ARF3: variants seen among roughly 807,000 people sequenced by gnomAD.
The protein encoded by ARF3 is ARF GTPase 3.
In ARF3, 5 loss-of-function variants were observed where a neutral mutation model predicts 19.3. The ratio of observed to expected loss-of-function variants is 0.26; its 90% CI spans 0.14 to 0.54. ARF3 has a LOEUF of 0.54. ARF3 is among the 20% of genes least tolerant of loss of function. The pLI is 0.95. For missense variants in ARF3, 77 were observed against 234.2 expected (o/e 0.33, Z 4.38); for synonymous variants, 71 against 89.2 (o/e 0.80, Z 1.15).
chr12:48,954,752 G>A (rs1940529556), intron 1 of ARF3, among the ~76,000 whole-genome samples: 1 of 152,160 alleles, frequency 6.6e-6, no homozygotes, highest in Non-Finnish European at 1.5e-5. Context: ...AGGCATGGTG[G>A]TTCATGCCTG....
chr12:48,945,388 G>A (rs1057190475), intron 1 of ARF3, among the ~76,000 whole-genome samples: 1 of 152,074 alleles, frequency 6.6e-6, no homozygotes, highest in South Asian at 2.1e-4. Flanking sequence ...GACCATCCTG[G>A]CTAATACAGT....
rs1176865609 is a variant in ARF3, at chr12:48,939,729, G to A, written c.310C>T (p.Arg104Trp). ...GCCAGCATTCTCATCAGCTCTTCCC[G>A]GGCCTCATTTACTCGCTCCCGATCA... The part of the protein sequence containing the change: ...SNDRERVNEA[R>W]EELMRMLAED... Residue 104 changes from arginine to tryptophan, a missense_variant, in exon 4 of 5, where the codon CGG (arginine) becomes TGG (tryptophan). Physicochemically the swap from Arg to Trp is moderately radical, Grantham distance 101 (BLOSUM62 -3). Around this residue, in one of 3 missense-constraint regions of ARF3, gnomAD observed 53 missense variants for 121.2 expected, o/e 0.44. Coordinates refer to ENST00000256682, the MANE Select transcript of ARF3 (RefSeq NM_001659.3). This position sits in a 1 kb window ranked among gnomAD's most constrained non-coding sequence, Gnocchi z 4.8. 5.0e-6 allele frequency: 8 copies of A among 1,613,886 alleles called. No individual in the cohort carries two copies. The highest frequency in any genetic ancestry group is 1.3e-5 in the African/African-American group (1 of 74,854).
At chr12:48,946,160 T>C (rs570867506) in intron 1 of ARF3, among the ~76,000 whole-genome samples, 16 of 152,322 alleles carry the variant, frequency 1.1e-4, no homozygotes, top group Non-Finnish European at 1.8e-4. Flanking sequence ...TCAAAGGGGA[T>C]GCTGGCTTTC....
chr12:48,953,730 C>A (rs1237607300), intron 1 of ARF3, among the ~76,000 whole-genome samples: 1 of 152,212 alleles, frequency 6.6e-6, no homozygotes, highest in Non-Finnish European at 1.5e-5. Context: ...CTAACACATT[C>A]ATGAAATCCC....
intron 1 of ARF3, among the ~76,000 whole-genome samples, chr12:48,947,723 CAG>C (rs1212835859): frequency 6.6e-6 from 1 of 152,146 alleles, no homozygotes; most frequent in African/African-American, 2.4e-5. Flanking sequence ...GACTACAAAA[CAG>C]TGTGAGAGTA....
intron 1 of ARF3, among the ~76,000 whole-genome samples, chr12:48,949,727 T>G (rs2137590954): frequency 6.6e-6 from 1 of 152,092 alleles, no homozygotes; most frequent in East Asian, 1.9e-4. Flanking sequence ...AGTTTTTTTG[T>G]AGAGACAAGG....
At chr12:48,943,943 G>C (rs1242895667) in intron 1 of ARF3, among the ~76,000 whole-genome samples, 1 of 152,202 alleles carries the variant, frequency 6.6e-6, no homozygotes, top group Non-Finnish European at 1.5e-5. Context: ...CAGGTGGACA[G>C]ACTCCTGAGG....
At position 48,939,670 on chromosome 12, in the gene ARF3, G is replaced by C; in HGVS notation, c.369C>G (p.Val123=). The part of the protein sequence containing the change: ...EDELRDAVLL[V]FANKQDLPNA... Reference sequence around the variant, plus strand: ...GAAGTCTCACCTGTTTGTTTGCAAAGACAAGGAGTACAGCATCCCGGAGCT... The same window carrying C: ...GAAGTCTCACCTGTTTGTTTGCAAACACAAGGAGTACAGCATCCCGGAGCT... The change falls in exon 4 of 5, where the codon GTC becomes GTG. Residue 123 remains valine (V), a synonymous_variant. Transcript: ENST00000256682. The surrounding 1 kb of genome is among the most constrained non-coding windows in gnomAD (Gnocchi z 4.8). 1 of 1,614,176 alleles carries C rather than the reference G, an allele frequency of 6.2e-7. No individual in the cohort carries two copies. The highest frequency in any genetic ancestry group is 8.5e-7 in the Non-Finnish European group (1 of 1,180,014).
At chr12:48,943,489 G>A (rs1265390548) in intron 1 of ARF3, among the ~76,000 whole-genome samples, 1 of 152,182 alleles carries the variant, frequency 6.6e-6, no homozygotes, top group African/African-American at 2.4e-5. Context: ...CAAAGGGACA[G>A]GTCAAGACAA....
At chr12:48,945,876 C>A (rs1015577075) in intron 1 of ARF3, among the ~76,000 whole-genome samples, 2 of 152,176 alleles carry the variant, frequency 1.3e-5, no homozygotes, top group Non-Finnish European at 2.9e-5. Flanking sequence ...AGAGGTTGCT[C>A]ACTGCAACTT....
At chr12:48,950,245 G>A (rs1176490740) in intron 1 of ARF3, among the ~76,000 whole-genome samples, 1 of 151,590 alleles carries the variant, frequency 6.6e-6, no homozygotes, top group Non-Finnish European at 1.5e-5. Context: ...ACCCAAGCTG[G>A]AGTGCAGTGG....
At chr12:48,949,681 T>TA (rs1940428479) in intron 1 of ARF3, among the ~76,000 whole-genome samples, 1 of 152,104 alleles carries the variant, frequency 6.6e-6, no homozygotes, top group African/African-American at 2.4e-5. Context: ...TAGCTAGAAC[T>TA]ACAGGTGTGC....
intron 1 of ARF3, among the ~76,000 whole-genome samples, chr12:48,948,847 G>A (rs560085683): frequency 2.0e-4 from 30 of 152,086 alleles, no homozygotes; most frequent in African/African-American, 7.2e-4. Context: ...TGAGGGATGG[G>A]GCTGGAGAGA....
rs1215001913 is a variant in ARF3, at chr12:48,938,505, G to T, written c.*442C>A. On this transcript the variant is annotated 3_prime_UTR_variant, in exon 5 of 5. Coordinates refer to ENST00000256682, the MANE Select transcript of ARF3 (RefSeq NM_001659.3). ...GCACACATGCACGCAAACACAGAGA[G>T]GCCCGTGCAATTTCCATGTAAAACA... The T allele has an allele frequency of 1.1e-5, 5 of 451,348 alleles. No homozygotes were observed. Among genetic ancestry groups the T allele is most frequent in the Non-Finnish European group, 2.2e-5 (5 of 223,806 alleles). The allele number at this position is 451,348 out of a possible 1,614,324, so 28.0% of individuals were successfully genotyped here. A position where few individuals can be genotyped will look rare whatever the true frequency, so the allele number is the denominator to read the frequency against.
chr12:48,944,614 T>C (rs772693201), intron 1 of ARF3, among the ~76,000 whole-genome samples: 48 of 152,264 alleles, frequency 3.2e-4, no homozygotes, highest in Non-Finnish European at 5.7e-4. Flanking sequence ...ATTAAGCACA[T>C]TGGCTGATTT....
chr12:48,941,767 G>A (rs1290178675), intron 1 of ARF3, among the ~76,000 whole-genome samples: 6 of 152,154 alleles, frequency 3.9e-5, no homozygotes, highest in Admixed American at 3.3e-4. Context: ...TAAGAAAGCC[G>A]CACTCTTAAA....
At chr12:48,951,223 G>A (rs1344650612) in intron 1 of ARF3, among the ~76,000 whole-genome samples, 2 of 152,248 alleles carry the variant, frequency 1.3e-5, no homozygotes, top group Non-Finnish European at 2.9e-5. Context: ...CAGTGGGATA[G>A]AAGAAAAGGG....
intron 1 of ARF3, among the ~76,000 whole-genome samples, chr12:48,952,845 G>A (rs1037013822): frequency 3.9e-5 from 6 of 152,204 alleles, no homozygotes; most frequent in Admixed American, 2.0e-4. Context: ...GCTTTCCAGA[G>A]CTGCAACTGC....
At chr12:48,951,754 C>T (rs1940476127) in intron 1 of ARF3, among the ~76,000 whole-genome samples, 1 of 151,840 alleles carries the variant, frequency 6.6e-6, no homozygotes, top group African/African-American at 2.4e-5. Context: ...TGGCGCACGC[C>T]TGTAATCCCA....
Sources: gnomAD v4.1 joint callset for allele counts (sites outside exome capture counted in the v4.1 genomes callset) on GRCh38, gnomAD v4.1.1 for gene constraint, gnomAD v4.1.1 regional missense constraint, Gnocchi (gnomAD v3.1) non-coding constraint, MANE v1.5 for transcripts, NCBI Gene and HGNC (gene_info 2026-07-23, HGNC 2026-07-21) for gene names.